UNK: variants seen among roughly 807,000 people sequenced by gnomAD.
UNK encodes unk zinc finger.
Under a neutral mutation model 97.6 loss-of-function variants are expected in UNK, and 32 were observed. The observed-to-expected ratio is 0.33, with a 90% CI of 0.25 to 0.44. UNK has a LOEUF of 0.44. Among genes scored for constraint, UNK ranks in the 20% least tolerant of loss-of-function variants. UNK has a pLI of 1.00. For missense variants in UNK, 771 were observed against 1,098.4 expected, an observed-to-expected ratio of 0.70 and a Z score of 4.21; for synonymous variants, 441 against 461.2, an observed-to-expected ratio of 0.96 and a Z score of 0.56.
Position 75,819,951 on chromosome 17 carries a change from G to A in UNK, c.1680G>A (p.Val560=). 1.2e-6 allele frequency: 2 copies of A among 1,612,808 alleles called. No individual in the cohort carries two copies. Among genetic ancestry groups the A allele is most frequent in the Non-Finnish European group, 1.7e-6 (2 of 1,179,444 alleles). The stretch of plus-strand genomic sequence containing the variant: ...GCTTGCTGCAGAGCTCTGCACCCGT[G>A]AACATCCCCGGCTCCTTGGGCAGCT... ...GGSLLQSSAP[V]NIPGSLGSSA... is the part of the protein sequence containing the mutation. The change falls in exon 13 of 16, where the codon GTG becomes GTA. Residue 560 remains valine (V), a synonymous_variant. Coordinates refer to ENST00000589666, the MANE Select transcript of UNK (RefSeq NM_001080419.3). The surrounding 1 kb of genome is among the most constrained non-coding windows in gnomAD (Gnocchi z 5.4).
chr17:75,804,475 C>T (rs938857681), intron 1 of UNK, among the ~76,000 whole-genome samples: 4 of 151,576 alleles, frequency 2.6e-5, no homozygotes, highest in African/African-American at 7.3e-5. Context: ...ATAAAAAATC[C>T]ATTAATCTGC....
chr17:75,805,767 C>T (rs2061906987), intron 1 of UNK, among the ~76,000 whole-genome samples: 1 of 151,772 alleles, frequency 6.6e-6, no homozygotes, highest in South Asian at 2.1e-4. Context: ...CGCTGCACTC[C>T]AGCCTGGGCA....
intron 1 of UNK, among the ~76,000 whole-genome samples, chr17:75,801,379 A>G (rs1024834599): frequency 6.6e-6 from 1 of 151,954 alleles, no homozygotes; most frequent in East Asian, 1.9e-4. Flanking sequence ...GTGACTGGGC[A>G]TGGTGGCTTA....
rs2062022181 is a variant in UNK, at chr17:75,817,000, G to A, written c.1104+88G>A. ...AGGCCCTTTCAGCCTGGGCTTGGGA[G>A]ACCATCCTGGTATTTGTCCTCAGGC... On this transcript the variant is annotated intron_variant, in intron 8 of 15. Transcript: ENST00000589666. This position sits in a 1 kb window ranked among gnomAD's most constrained non-coding sequence, Gnocchi z 4.0. 8.2e-6 allele frequency: 12 copies of A among 1,471,746 alleles called. No individual in the cohort carries two copies. The highest frequency in any genetic ancestry group is 9.9e-6 in the Non-Finnish European group (11 of 1,107,670). 91.2% of individuals were successfully genotyped at this position (1,471,746 alleles called of 1,614,324 possible).
intron 2 of UNK, among the ~76,000 whole-genome samples, chr17:75,811,581 G>A (rs1348368476): frequency 6.6e-6 from 1 of 152,234 alleles, no homozygotes; most frequent in East Asian, 1.9e-4. Flanking sequence ...GCCAGGCCCT[G>A]TTGGGCCCCA....
chr17:75,806,145 C>T (rs369843523), intron 1 of UNK, among the ~76,000 whole-genome samples: 103 of 151,594 alleles, frequency 6.8e-4, no homozygotes, highest in African/African-American at 2.4e-3. Context: ...AAATATTTAC[C>T]ATCTGGTCCT....
chr17:75,813,914 G>T, intron 6 of UNK, 36 bp downstream of exon 6: 1 of 1,523,062 alleles, frequency 6.6e-7, no homozygotes. Context: ...GTGGCTTTGG[G>T]AAGTAAGGAG....
intron 1 of UNK, among the ~76,000 whole-genome samples, chr17:75,800,442 ATAAAGCTTCCTTTG>A (rs2061845613): frequency 6.6e-6 from 1 of 151,538 alleles, no homozygotes; most frequent in South Asian, 2.1e-4. Context: ...GAGTCCCTAA[ATAAAGCTTCCTTTG>A]GGCTGGGCGC....
intron 2 of UNK, among the ~76,000 whole-genome samples, chr17:75,811,880 G>A (rs62088246): frequency 0.31 from 47,439 of 152,054 alleles, 9,296 homozygotes; most frequent in Admixed American, 0.43. Context: ...CCAGCTACTC[G>A]GGAGGCTGAG....
At chr17:75,802,316 T>C (rs1332788997) in intron 1 of UNK, among the ~76,000 whole-genome samples, 1 of 128,586 alleles carries the variant, frequency 7.8e-6, no homozygotes, top group Admixed American at 1.0e-4. Flanking sequence ...TGGCATGCAG[T>C]GGTGCAACCG....
At position 75,818,232 on chromosome 17, in the gene UNK, A is replaced by C; in HGVS notation, c.1371+64A>C. 1 of 1,582,004 alleles carries C rather than the reference A, an allele frequency of 6.3e-7. No homozygotes were observed. Among genetic ancestry groups the C allele is most frequent in the Non-Finnish European group, 8.6e-7 (1 of 1,156,174 alleles). On this transcript the variant is annotated intron_variant, in intron 10 of 15. Transcript: ENST00000589666. This position sits in a 1 kb window ranked among gnomAD's most constrained non-coding sequence, Gnocchi z 5.1. ...GACAGGAGTGGCCCAGAACCCCAGG[A>C]GGCTTCGGGGAGTGGGAGGCACCAC... is the stretch of plus-strand genomic sequence containing the variant.
chr17:75,813,721 T>A (rs1181456831), intron 5 of UNK, 40 bp from the exon 6 acceptor site: 1 of 1,528,862 alleles, frequency 6.5e-7, no homozygotes, highest in East Asian at 2.5e-5. Flanking sequence ...CGATCTCACC[T>A]TCTCCTTTCT....
At chr17:75,788,050 G>A (rs2061729274) in intron 1 of UNK, among the ~76,000 whole-genome samples, 1 of 152,086 alleles carries the variant, frequency 6.6e-6, no homozygotes, top group Admixed American at 6.6e-5. Context: ...GAGCTGCTTG[G>A]GAGGTAAACA....
intron 1 of UNK, among the ~76,000 whole-genome samples, chr17:75,809,475 C>T (rs995498833): frequency 6.6e-6 from 1 of 152,226 alleles, no homozygotes; most frequent in Non-Finnish European, 1.5e-5. Flanking sequence ...GCTCAGAGAA[C>T]CAAGCTGCTG....
intron 1 of UNK, among the ~76,000 whole-genome samples, chr17:75,806,268 CAT>C (rs2143753250): frequency 6.7e-6 from 1 of 148,798 alleles, no homozygotes; most frequent in Non-Finnish European, 1.5e-5. Flanking sequence ...ATCTGGCTAA[CAT>C]GGTGAAACCC....
In UNK at chr17:75,824,132, G is replaced by A; in HGVS notation, c.2278-130G>A. The stretch of plus-strand genomic sequence containing the variant: ...CTCTCTCACCTGCCAACAGGGGTCT[G>A]GGAGCACACTGTTGAGCTCGGTACC... On this transcript the variant is annotated intron_variant, in intron 15 of 15. Transcript: ENST00000589666. The surrounding 1 kb of genome is among the most constrained non-coding windows in gnomAD (Gnocchi z 4.9). The A allele has an allele frequency of 1.7e-6, 2 of 1,153,668 alleles. No homozygotes were observed. The highest frequency in any genetic ancestry group is 3.3e-5 in the Admixed American group (1 of 30,720). 71.5% of individuals were successfully genotyped at this position (1,153,668 alleles called of 1,614,324 possible). A position where few individuals can be genotyped will look rare whatever the true frequency, so the allele number is the denominator to read the frequency against.
At chr17:75,798,804 C>T (rs1195371221) in intron 1 of UNK, among the ~76,000 whole-genome samples, 1 of 151,902 alleles carries the variant, frequency 6.6e-6, no homozygotes, top group Non-Finnish European at 1.5e-5. Flanking sequence ...CGGTGGCTCA[C>T]GCCTGTAATC....
chr17:75,811,300 TC>T (rs1167061381), intron 2 of UNK, among the ~76,000 whole-genome samples: 1 of 151,992 alleles, frequency 6.6e-6, no homozygotes, highest in Non-Finnish European at 1.5e-5. Flanking sequence ...GGGGATGTCT[TC>T]ATTGTGTTGC....
At chr17:75,814,969 G>A (rs948403947) in intron 6 of UNK, among the ~76,000 whole-genome samples, 200 bp from the exon 7 acceptor site, 2 of 152,172 alleles carry the variant, frequency 1.3e-5, no homozygotes, top group African/African-American at 4.8e-5. Context: ...GAGGCTGTCA[G>A]TGACAATGGG....
Sources: allele counts gnomAD v4.1 joint callset (sites outside exome capture counted in the v4.1 genomes callset), GRCh38; gene constraint gnomAD v4.1.1; non-coding constraint Gnocchi (gnomAD v3.1); transcripts MANE v1.5; gene names NCBI Gene and HGNC (gene_info 2026-07-23, HGNC 2026-07-21).